PHYHIPL: variants seen among roughly 807,000 people sequenced by gnomAD.
The protein encoded by PHYHIPL is phytanoyl-CoA 2-hydroxylase interacting protein like, also known as phytanoyl-CoA hydroxylase-interacting protein-like.
Under a neutral mutation model 33.4 loss-of-function variants are expected in PHYHIPL, and 9 were observed. That is an observed-to-expected ratio of 0.27 (90% CI 0.16 to 0.47). PHYHIPL has a LOEUF of 0.47. Among genes scored for constraint, PHYHIPL ranks in the 20% least tolerant of loss-of-function variants. The pLI, the probability that PHYHIPL is intolerant of heterozygous loss-of-function variation, is 0.99. For synonymous variants in PHYHIPL, 153 were observed against 154.1 expected (o/e 0.99, Z 0.05); for missense variants, 365 against 460.7 (o/e 0.79, Z 1.90).
chr10:59,178,680 G>A (rs1454548473), intron 1 of PHYHIPL, among the ~76,000 whole-genome samples: 1 of 152,032 alleles, frequency 6.6e-6, no homozygotes, highest in African/African-American at 2.4e-5. Flanking sequence ...ACTTAAAACC[G>A]CATTTACCAC....
At chr10:59,211,344 T>C (rs867711468) in intron 1 of PHYHIPL, among the ~76,000 whole-genome samples, 2 of 152,256 alleles carry the variant, frequency 1.3e-5, no homozygotes, top group African/African-American at 4.8e-5. Flanking sequence ...GCCATTGCAC[T>C]TCAGCCTGAG....
At chr10:59,175,667 G>T (rs1162259354), upstream of PHYHIPL, among the ~76,000 whole-genome samples, 1 of 152,178 alleles carries the variant, frequency 6.6e-6, no homozygotes, top group Non-Finnish European at 1.5e-5. Flanking sequence ...TCCACTAAGT[G>T]CACTGCAGAA....
chr10:59,238,183 C>T (rs1194910659), intron 3 of PHYHIPL, among the ~76,000 whole-genome samples: 3 of 151,918 alleles, frequency 2.0e-5, no homozygotes, highest in African/African-American at 4.8e-5. Flanking sequence ...CTTATGTACT[C>T]ATTATTATTT....
intron 3 of PHYHIPL, among the ~76,000 whole-genome samples, chr10:59,236,934 GC>G (rs1840243980): frequency 6.6e-6 from 1 of 151,264 alleles, no homozygotes; most frequent in Admixed American, 6.6e-5. Context: ...AAAAAGGTAT[GC>G]AGTTTGAAAA....
At chr10:59,218,288 T>C (rs576009558) in intron 1 of PHYHIPL, among the ~76,000 whole-genome samples, 10 of 152,300 alleles carry the variant, frequency 6.6e-5, no homozygotes, top group African/African-American at 2.4e-4. Context: ...TCCTCGAAGC[T>C]TAAGCTTCAT....
chr10:59,205,772 A>G (rs1222648335), intron 1 of PHYHIPL, among the ~76,000 whole-genome samples: 1 of 152,206 alleles, frequency 6.6e-6, no homozygotes, highest in Non-Finnish European at 1.5e-5. Flanking sequence ...AGAAAAAGGC[A>G]GAAAAAGCTT....
At chr10:59,231,661 C>T (rs1403148287) in intron 1 of PHYHIPL, among the ~76,000 whole-genome samples, 1 of 152,002 alleles carries the variant, frequency 6.6e-6, no homozygotes, top group African/African-American at 2.4e-5. Flanking sequence ...CAGTCCGAGA[C>T]AGCTAAAATG....
At chr10:59,218,110 GT>G (rs1177254174) in intron 1 of PHYHIPL, among the ~76,000 whole-genome samples, 1 of 152,060 alleles carries the variant, frequency 6.6e-6, no homozygotes, top group Admixed American at 6.6e-5. Context: ...GCTGTTTTTG[GT>G]TTTGAACATT....
intron 1 of PHYHIPL, among the ~76,000 whole-genome samples, chr10:59,187,379 A>G (rs1023724372): frequency 1.3e-5 from 2 of 152,190 alleles, no homozygotes; most frequent in Non-Finnish European, 2.9e-5. Context: ...TATTTTATTG[A>G]GTATTTTTTG....
At chr10:59,223,286 C>T (rs1839830278) in intron 1 of PHYHIPL, among the ~76,000 whole-genome samples, 1 of 152,130 alleles carries the variant, frequency 6.6e-6, no homozygotes, top group Non-Finnish European at 1.5e-5. Context: ...TAACTTTGTT[C>T]GATCCTTCTT....
At position 59,234,289 on chromosome 10, in the gene PHYHIPL, A is replaced by C; in HGVS notation, c.107-15A>C. On this transcript the variant is annotated splice_polypyrimidine_tract_variant and intron_variant, in intron 1 of 4. Transcript: ENST00000373880. Reference sequence around the variant, plus strand: ...TTAATTGGAAATTAACTTCCTGTGCATTGTTTTCTTGCAGGGAACAAATCA... The same window carrying C: ...TTAATTGGAAATTAACTTCCTGTGCCTTGTTTTCTTGCAGGGAACAAATCA... The C allele has an allele frequency of 2.6e-6, 4 of 1,530,988 alleles. No homozygotes were observed. Among genetic ancestry groups the C allele is most frequent in the Non-Finnish European group, 2.6e-6 (3 of 1,149,458 alleles). 94.8% of individuals were successfully genotyped at this position (1,530,988 alleles called of 1,614,324 possible).
chr10:59,179,405 C>T (rs1838339507), intron 1 of PHYHIPL, among the ~76,000 whole-genome samples: 1 of 152,160 alleles, frequency 6.6e-6, no homozygotes, highest in Non-Finnish European at 1.5e-5. Flanking sequence ...CTAATAAGAG[C>T]TATATTTCAT....
chr10:59,203,954 A>G (rs1208186142), intron 1 of PHYHIPL, among the ~76,000 whole-genome samples: 1 of 152,184 alleles, frequency 6.6e-6, no homozygotes, highest in Non-Finnish European at 1.5e-5. Context: ...TAAATTGCTC[A>G]TTTAGATGCA....
At chr10:59,186,460 G>C (rs1160027962) in intron 1 of PHYHIPL, among the ~76,000 whole-genome samples, 1 of 152,036 alleles carries the variant, frequency 6.6e-6, no homozygotes, top group African/African-American at 2.4e-5. Flanking sequence ...CTCTTTTTTG[G>C]TTCCATATGA....
chr10:59,242,098 C>T (rs1051458471), intron 4 of PHYHIPL, among the ~76,000 whole-genome samples: 3 of 152,196 alleles, frequency 2.0e-5, no homozygotes, highest in African/African-American at 7.2e-5. Context: ...TGTAAGGGGA[C>T]ACCCTTCTCC....
intron 1 of PHYHIPL, among the ~76,000 whole-genome samples, chr10:59,198,829 G>A (rs1449305148): frequency 6.6e-6 from 1 of 152,170 alleles, no homozygotes; most frequent in Non-Finnish European, 1.5e-5. Context: ...TTTTTCATGT[G>A]TCTGTTGGCT....
chr10:59,180,067 T>C lies in PHYHIPL; in HGVS notation c.106+3108T>C, dbSNP rs1477353566. 3.3e-5 allele frequency among the ~76,000 whole-genome samples: 5 copies of C among 151,886 alleles called. No homozygotes were observed. In the East Asian group the frequency reaches 7.8e-4, roughly 24 times the overall value. On this transcript the variant is annotated intron_variant, in intron 1 of 4. Coordinates refer to ENST00000373880, the MANE Select transcript of PHYHIPL (RefSeq NM_032439.4). ...AAGTATACTCAAATTGCATACATGATGTACTTTTATTATGACTTTTCAAAT... is the reference window on the plus strand; with the variant it reads ...AAGTATACTCAAATTGCATACATGACGTACTTTTATTATGACTTTTCAAAT...
In PHYHIPL at chr10:59,214,920, A is replaced by T. The variant is rs1673481301; in HGVS notation, c.107-19384A>T. Among the ~76,000 whole-genome samples, 4 of 152,192 alleles carry T rather than the reference A, an allele frequency of 2.6e-5. No individual in the cohort carries two copies. The South Asian group carries it at 8.3e-4, about 32-fold the overall frequency. On this transcript the variant is annotated intron_variant, in intron 1 of 4. Transcript: ENST00000373880. ...CAGGGCAGATAACAAGGATATATACATAGAACATTCTAGATGGATACAGAT... is the reference window on the plus strand; with the variant it reads ...CAGGGCAGATAACAAGGATATATACTTAGAACATTCTAGATGGATACAGAT...
chr10:59,209,568 A>C (rs1839387672), intron 1 of PHYHIPL, among the ~76,000 whole-genome samples: 1 of 152,218 alleles, frequency 6.6e-6, no homozygotes, highest in African/African-American at 2.4e-5. Flanking sequence ...GATCAAATTC[A>C]CACATAACAA....
Sources: allele counts gnomAD v4.1 joint callset (sites outside exome capture counted in the v4.1 genomes callset), GRCh38; gene constraint gnomAD v4.1.1; transcripts MANE v1.5; gene names NCBI Gene and HGNC (gene_info 2026-07-23, HGNC 2026-07-21).